Variants in PPP2R2C observed in about 807,000 individuals in gnomAD.
PPP2R2C encodes the protein protein phosphatase 2, regulatory subunit B, gamma.
PPP2R2C carries 10 observed loss-of-function variants against 45.3 expected under a neutral mutation model. That is an observed-to-expected ratio of 0.22 (90% CI 0.14 to 0.37). The LOEUF (loss-of-function observed/expected upper bound fraction) is 0.37. Ranked by LOEUF, PPP2R2C falls within the 10% of genes least tolerant of loss-of-function variation. The probability of loss-of-function intolerance (pLI) is 1.00; values close to 1 mark genes in which losing one functional copy is unlikely to be tolerated. For synonymous variants in PPP2R2C, 257 were observed against 245.4 expected (o/e 1.05, Z -0.44); for missense variants, 308 against 619.7 (o/e 0.50, Z 5.34).
intron 6 of PPP2R2C, among the ~76,000 whole-genome samples, chr4:6,344,346 C>T (rs1342889966): frequency 6.6e-6 from 1 of 152,200 alleles, no homozygotes; most frequent in African/African-American, 2.4e-5. Flanking sequence ...GGCTGATTCA[C>T]ACAAGGCTCA....
chr4:6,531,787 G>A (rs904181396), intron 2 of PPP2R2C, among the ~76,000 whole-genome samples: 1 of 152,130 alleles, frequency 6.6e-6, no homozygotes, highest in African/African-American at 2.4e-5. Flanking sequence ...TCAGTCCCCA[G>A]CATTCTCCAA....
intron 1 of PPP2R2C, among the ~76,000 whole-genome samples, chr4:6,395,375 G>C (rs535160793): frequency 6.6e-6 from 1 of 152,314 alleles, no homozygotes; most frequent in South Asian, 2.1e-4. Flanking sequence ...AACGGACCCC[G>C]CGGGCATGTC....
At chr4:6,396,167 C>CA (rs1717021665) in intron 1 of PPP2R2C, among the ~76,000 whole-genome samples, 2 of 152,198 alleles carry the variant, frequency 1.3e-5, no homozygotes, top group Non-Finnish European at 2.9e-5. Context: ...GTACTCCACC[C>CA]AGGAGCAGGC....
At chr4:6,529,672 T>C (rs908567426) in intron 2 of PPP2R2C, among the ~76,000 whole-genome samples, 1 of 152,182 alleles carries the variant, frequency 6.6e-6, no homozygotes, top group African/African-American at 2.4e-5. Context: ...GAGGGAAAAT[T>C]GGCGAGGCTG....
chr4:6,467,742 GA>G (rs1190440858), intron 1 of PPP2R2C, among the ~76,000 whole-genome samples: 1 of 152,176 alleles, frequency 6.6e-6, no homozygotes, highest in African/African-American at 2.4e-5. Context: ...CAACGAAAAG[GA>G]AAAGTAACAG....
intron 2 of PPP2R2C, among the ~76,000 whole-genome samples, chr4:6,533,759 A>G (rs1255050262): frequency 6.6e-6 from 1 of 152,140 alleles, no homozygotes; most frequent in Non-Finnish European, 1.5e-5. Flanking sequence ...GAAACACTCT[A>G]ATGTCCAACA....
intron 6 of PPP2R2C, among the ~76,000 whole-genome samples, chr4:6,347,512 T>A (rs1712093151): frequency 6.6e-6 from 1 of 152,068 alleles, no homozygotes; most frequent in African/African-American, 2.4e-5. Context: ...AGGATCCAGA[T>A]CTAAAGTAGG....
intron 1 of PPP2R2C, among the ~76,000 whole-genome samples, chr4:6,449,860 C>T (rs1720642868): frequency 6.6e-6 from 1 of 152,222 alleles, no homozygotes; most frequent in South Asian, 2.1e-4. Context: ...CAGAGGCACA[C>T]GGTTCCCAGA....
At chr4:6,425,167 G>A (rs959849789) in intron 1 of PPP2R2C, among the ~76,000 whole-genome samples, 2 of 152,186 alleles carry the variant, frequency 1.3e-5, no homozygotes, top group African/African-American at 4.8e-5. Context: ...CTTCCCTGTG[G>A]TGTCCCCACA....
chr4:6,337,204 T>C (rs1733049358), intron 6 of PPP2R2C, among the ~76,000 whole-genome samples: 2 of 131,326 alleles, frequency 1.5e-5, no homozygotes. Flanking sequence ...TCAACCACAG[T>C]TCCCTTTTCT....
intron 2 of PPP2R2C, among the ~76,000 whole-genome samples, chr4:6,510,519 ACTAT>A (rs1419456076): frequency 7.2e-5 from 11 of 152,056 alleles, no homozygotes; most frequent in Admixed American, 2.0e-4. Context: ...TTTATTCTTC[ACTAT>A]CTGTGTCCCT....
At chr4:6,342,636 G>T (rs1733544331) in intron 6 of PPP2R2C, among the ~76,000 whole-genome samples, 1 of 152,178 alleles carries the variant, frequency 6.6e-6, no homozygotes, top group African/African-American at 2.4e-5. Context: ...CAGTGTTCCG[G>T]GCACGGCCCT....
intron 1 of PPP2R2C, among the ~76,000 whole-genome samples, chr4:6,546,401 T>C (rs1459259860): frequency 1.3e-5 from 2 of 152,196 alleles, no homozygotes; most frequent in Non-Finnish European, 2.9e-5. Flanking sequence ...ATCTTGAGAT[T>C]ACTAAAATCT....
At chr4:6,446,858 A>G (rs1162841689) in intron 1 of PPP2R2C, among the ~76,000 whole-genome samples, 1 of 150,746 alleles carries the variant, frequency 6.6e-6, no homozygotes, top group Non-Finnish European at 1.5e-5. Flanking sequence ...GAATTCTTTT[A>G]TAAAGCAAAG....
chr4:6,381,593 AC>A lies in PPP2R2C; in HGVS notation c.71-500del, dbSNP rs577545924. 2,174 of 1,446,788 alleles carry A rather than the reference AC, an allele frequency of 1.5e-3. 2 individuals carry two copies. The highest frequency in any genetic ancestry group is 1.9e-3 in the Non-Finnish European group (2,100 of 1,103,366). The allele number at this position is 1,446,788 out of a possible 1,614,324, so 89.6% of individuals were successfully genotyped here. On this transcript the variant is annotated intron_variant, in intron 1 of 8. Coordinates refer to ENST00000382599, the MANE Select transcript of PPP2R2C (RefSeq NM_020416.4). ...CCACACAGTAGGACAGAGGTGAATT[AC>A]CCCCTCTCCTTCAGACTCCTGCTCT...
intron 4 of PPP2R2C, 105 bp downstream of exon 4, chr4:6,375,714 G>C (rs1715243198): frequency 1.0e-6 from 1 of 974,676 alleles, no homozygotes; most frequent in South Asian, 1.6e-5. Flanking sequence ...AGCCCAACCA[G>C]GGTCTGCACC....
chr4:6,416,784 C>T (rs1260922201), intron 1 of PPP2R2C, among the ~76,000 whole-genome samples: 1 of 152,234 alleles, frequency 6.6e-6, no homozygotes, highest in Admixed American at 6.5e-5. Flanking sequence ...GACCATCTGG[C>T]AGGGCTGGAG....
At chr4:6,342,710 C>A (rs1275359302) in intron 6 of PPP2R2C, among the ~76,000 whole-genome samples, 1 of 152,176 alleles carries the variant, frequency 6.6e-6, no homozygotes, top group Non-Finnish European at 1.5e-5. Flanking sequence ...GACTCATGTA[C>A]GGTTGTTTCC....
In PPP2R2C at chr4:6,328,661, G is replaced by T. The variant is rs1026015075; in HGVS notation, c.1052+601C>A. Among the ~76,000 whole-genome samples the T allele has an allele frequency of 6.6e-6, 1 of 152,208 alleles. No homozygotes were observed. Among genetic ancestry groups the T allele is most frequent in the African/African-American group, 2.4e-5 (1 of 41,462 alleles). ...CTGAGCCCAGGCTAGGGAGACACAG[G>T]AACTCACTTCTGGCACTGGGGCGCC... On this transcript the variant is annotated intron_variant, in intron 8 of 8. Transcript: ENST00000382599. This position sits in a 1 kb window ranked among gnomAD's most constrained non-coding sequence, Gnocchi z 4.4.
Sources: allele counts gnomAD v4.1 joint callset (sites outside exome capture counted in the v4.1 genomes callset), GRCh38; gene constraint gnomAD v4.1.1; non-coding constraint Gnocchi (gnomAD v3.1); transcripts MANE v1.5; gene names NCBI Gene and HGNC (gene_info 2026-07-23, HGNC 2026-07-21).